The following SLC12A7 variants were observed in gnomAD, a reference collection of about 807,000 sequenced individuals.
SLC12A7 encodes solute carrier family 12 member 7.
Under a neutral mutation model 120.6 loss-of-function variants are expected in SLC12A7, and 100 were observed. That is an observed-to-expected ratio of 0.83 (90% confidence interval 0.71 to 0.98). The LOEUF is 0.98. SLC12A7 is among the 50% of genes least tolerant of loss of function. The probability of loss-of-function intolerance (pLI) is 0.00; values close to 1 mark genes in which losing one functional copy is unlikely to be tolerated. For missense variants in SLC12A7, 1,373 were observed against 1,548.1 expected (o/e 0.89, Z 1.90); for synonymous variants, 760 against 678.0 (o/e 1.12, Z -1.88).
intron 20 of SLC12A7, 83 bp from the exon 21 acceptor site, chr5:1,060,534 G>A (rs563739457): frequency 1.5e-5 from 16 of 1,048,368 alleles, no homozygotes; most frequent in South Asian, 6.7e-5. Flanking sequence ...CCCAGAGACC[G>A]AGCCGCCCTG....
the SLC12A7 span, among the ~76,000 whole-genome samples, chr5:1,135,014 C>T: frequency 6.6e-6 from 1 of 151,982 alleles, no homozygotes; most frequent in Non-Finnish European, 1.5e-5. Context: ...GTAATCCCAG[C>T]TACTCGGGAG....
the SLC12A7 span, among the ~76,000 whole-genome samples, chr5:1,153,346 A>G: frequency 6.6e-6 from 1 of 152,248 alleles, no homozygotes; most frequent in Admixed American, 6.5e-5. Context: ...ACCTCCCTCC[A>G]TGCCCACATG....
intron 17 of SLC12A7, among the ~76,000 whole-genome samples, chr5:1,067,654 A>AC (rs1052425521): frequency 2.0e-5 from 3 of 152,086 alleles, no homozygotes; most frequent in Non-Finnish European, 2.9e-5. Context: ...TGCTGTGCTC[A>AC]CCCCCACGTG....
intron 3 of SLC12A7, among the ~76,000 whole-genome samples, chr5:1,090,082 T>A (rs980414469): frequency 7.9e-5 from 12 of 152,238 alleles, no homozygotes; most frequent in Non-Finnish European, 1.8e-4. Context: ...ACAGGCCCCG[T>A]GCGGGGCTTC....
the SLC12A7 span, among the ~76,000 whole-genome samples, chr5:1,152,126 C>G: frequency 2.0e-5 from 3 of 152,174 alleles, no homozygotes; most frequent in Non-Finnish European, 4.4e-5. Flanking sequence ...CTCCCCTCCC[C>G]TCTCCTTTGC....
intron 17 of SLC12A7, among the ~76,000 whole-genome samples, chr5:1,067,017 C>A (rs1394109755): frequency 6.6e-6 from 1 of 152,120 alleles, no homozygotes; most frequent in Non-Finnish European, 1.5e-5. Flanking sequence ...GGTATCCTCA[C>A]CCCCTACCCT....
At chr5:1,083,080 A>T (rs1352821625) in intron 8 of SLC12A7, among the ~76,000 whole-genome samples, 1 of 147,758 alleles carries the variant, frequency 6.8e-6, no homozygotes, top group African/African-American at 2.5e-5. Context: ...GGGTTCTGGA[A>T]AGCCTGGGCT....
intron 18 of SLC12A7, among the ~76,000 whole-genome samples, chr5:1,064,459 C>T (rs1002941902): frequency 1.3e-5 from 2 of 152,250 alleles, no homozygotes. Context: ...CAGGGAATCC[C>T]CCAGCCCCTG....
intron 1 of SLC12A7, among the ~76,000 whole-genome samples, chr5:1,096,544 C>T (rs2150886054): frequency 6.6e-6 from 1 of 151,680 alleles, no homozygotes; most frequent in East Asian, 1.9e-4. Context: ...CCTGCTCAGG[C>T]CCTTTTTCTG....
intron 21 of SLC12A7, among the ~76,000 whole-genome samples, chr5:1,059,830 C>G (rs1252896384): frequency 2.1e-5 from 2 of 95,972 alleles, no homozygotes; most frequent in Non-Finnish European, 4.5e-5. Context: ...CACTCACTCT[C>G]CCCTCCCACT....
intron 10 of SLC12A7, 139 bp from the exon 11 acceptor site, chr5:1,078,897 G>A (rs1738675370): frequency 2.9e-6 from 2 of 700,718 alleles, no homozygotes; most frequent in Admixed American, 2.1e-5. Context: ...GGACCGTTCT[G>A]CATCCCATCC....
chr5:1,105,729 C>T (rs186557406), intron 1 of SLC12A7, among the ~76,000 whole-genome samples: 2 of 152,330 alleles, frequency 1.3e-5, no homozygotes, highest in Admixed American at 1.3e-4. Flanking sequence ...GCAGCACTTC[C>T]CCAGCATCTG....
intron 21 of SLC12A7, among the ~76,000 whole-genome samples, chr5:1,058,869 G>A (rs950216124): frequency 1.5e-5 from 2 of 133,080 alleles, no homozygotes; most frequent in Non-Finnish European, 3.2e-5. Context: ...TCCACCCAGC[G>A]TCTGCACAGC....
chr5:1,058,655 G>A (rs1735875792), intron 21 of SLC12A7, among the ~76,000 whole-genome samples: 1 of 152,224 alleles, frequency 6.6e-6, no homozygotes, highest in African/African-American at 2.4e-5. Flanking sequence ...GGAAGAGATT[G>A]GCACAGATGG....
chr5:1,069,223 G>A lies in SLC12A7; in HGVS notation c.2242-3745C>T, dbSNP rs868518749. On this transcript the variant is annotated intron_variant, in intron 17 of 23. Coordinates refer to ENST00000264930, the MANE Select transcript of SLC12A7 (RefSeq NM_006598.3). ...TGGCCATCCACGTGGCCAACGTGGC[G>A]GGAGCGGCGGGGGCCATTTTTTACC... 2.0e-5 allele frequency among the ~76,000 whole-genome samples: 3 copies of A among 152,230 alleles called. No homozygotes were observed. In the East Asian group the frequency reaches 5.8e-4, roughly 29 times the overall value.
chr5:1,085,025 C>A (rs1477324139), intron 7 of SLC12A7, among the ~76,000 whole-genome samples: 1 of 152,234 alleles, frequency 6.6e-6, no homozygotes, highest in Admixed American at 6.5e-5. Context: ...ATGCTCAGAC[C>A]CGGCCACGAG....
chr5:1,060,156 G>A (rs532196209), intron 21 of SLC12A7, among the ~76,000 whole-genome samples, 188 bp downstream of exon 21: 7 of 152,226 alleles, frequency 4.6e-5, no homozygotes, highest in Non-Finnish European at 8.8e-5. Context: ...TGGCTTTGAC[G>A]CCACTCCTGT....
In SLC12A7 at chr5:1,073,809, C is replaced by T; in HGVS notation, c.2073-8G>A. ...ATCACCAGCACCTGGGGCCTGCAGC[C>T]AGGGTGGGGCGGCTGTTACCACGGC... On this transcript the variant is annotated splice_polypyrimidine_tract_variant and splice_region_variant and intron_variant, in intron 16 of 23. Coordinates refer to ENST00000264930, the MANE Select transcript of SLC12A7 (RefSeq NM_006598.3). 1.4e-6 allele frequency: 2 copies of T among 1,403,310 alleles called. No homozygotes were observed. The highest frequency in any genetic ancestry group is 3.5e-5 in the South Asian group (2 of 56,682). 86.9% of individuals were successfully genotyped at this position (1,403,310 alleles called of 1,614,324 possible).
At chr5:1,117,368 C>T in the SLC12A7 span, among the ~76,000 whole-genome samples, 1 of 152,198 alleles carries the variant, frequency 6.6e-6, no homozygotes, top group African/African-American at 2.4e-5. This position sits in a 1 kb window ranked among gnomAD's most constrained non-coding sequence, Gnocchi z 4.5. Context: ...TCCAAGCTGT[C>T]CTTGTTCCTT....
Sources: gnomAD v4.1 joint callset for allele counts (sites outside exome capture counted in the v4.1 genomes callset) on GRCh38, gnomAD v4.1.1 for gene constraint, Gnocchi (gnomAD v3.1) non-coding constraint, MANE v1.5 for transcripts, NCBI Gene and HGNC (gene_info 2026-07-23, HGNC 2026-07-21) for gene names.